PRKCB: variants seen among roughly 807,000 people sequenced by gnomAD.
PRKCB encodes the protein protein kinase C beta type.
Under a neutral mutation model 81.5 loss-of-function variants are expected in PRKCB, and 13 were observed. The ratio of observed to expected loss-of-function variants is 0.16; its 90% CI spans 0.10 to 0.25. The LOEUF (loss-of-function observed/expected upper bound fraction) is 0.25. Among genes scored for constraint, PRKCB ranks in the 10% least tolerant of loss-of-function variants. The pLI is 1.00. For missense variants in PRKCB, 509 were observed against 875.7 expected, an observed-to-expected ratio of 0.58 and a Z score of 5.29; for synonymous variants, 335 against 321.4, an observed-to-expected ratio of 1.04 and a Z score of -0.45.
chr16:24,117,702 G>A (rs1966750942), intron 8 of PRKCB, among the ~76,000 whole-genome samples: 1 of 152,128 alleles, frequency 6.6e-6, no homozygotes, highest in Admixed American at 6.5e-5. Flanking sequence ...AGGTGATCCT[G>A]GAAGCACCAT....
Position 24,039,139 on chromosome 16 carries a change from G to A in PRKCB, c.529+3592G>A, listed in dbSNP as rs182494262. On this transcript the variant is annotated intron_variant, in intron 5 of 16. Coordinates refer to ENST00000643927, the MANE Select transcript of PRKCB (RefSeq NM_002738.7). ...TGGCCGTCTGCAAGCCAGGAAGTGA[G>A]TCCTTACCAGGAATTGAAGCTGCTG... is the stretch of plus-strand genomic sequence containing the variant. Among the ~76,000 whole-genome samples the A allele has an allele frequency of 4.7e-4, 71 of 152,316 alleles. 2 individuals carry two copies. In the East Asian group the frequency reaches 0.012, roughly 26 times the overall value.
At chr16:23,863,855 A>G (rs561989384) in intron 2 of PRKCB, among the ~76,000 whole-genome samples, 1 of 152,328 alleles carries the variant, frequency 6.6e-6, no homozygotes, top group East Asian at 1.9e-4. Flanking sequence ...TTACCAAAGT[A>G]AAAGTCAGTA....
At chr16:24,091,231 T>C (rs1966373485) in intron 5 of PRKCB, among the ~76,000 whole-genome samples, 1 of 152,376 alleles carries the variant, frequency 6.6e-6, no homozygotes, top group Non-Finnish European at 1.5e-5. Context: ...TCTAGATAAC[T>C]ACAATGATCT....
intron 16 of PRKCB, among the ~76,000 whole-genome samples, chr16:24,200,518 A>C (rs1967941714): frequency 6.6e-6 from 1 of 152,218 alleles, no homozygotes; most frequent in East Asian, 1.9e-4. Context: ...CTATGACTGA[A>C]TACCACAGAC....
At chr16:23,847,816 T>G (rs949699123) in intron 2 of PRKCB, among the ~76,000 whole-genome samples, 3 of 152,216 alleles carry the variant, frequency 2.0e-5, no homozygotes, top group Admixed American at 6.5e-5. Flanking sequence ...GTCCTCACCC[T>G]TAAAGATCTT....
chr16:24,068,364 T>A (rs534164979), intron 5 of PRKCB, among the ~76,000 whole-genome samples: 16 of 152,182 alleles, frequency 1.1e-4, no homozygotes, highest in African/African-American at 3.9e-4. Context: ...CTTTGATTCC[T>A]AGCCCCAAGA....
At chr16:23,958,047 A>T (rs1191794712) in intron 2 of PRKCB, among the ~76,000 whole-genome samples, 4 of 152,234 alleles carry the variant, frequency 2.6e-5, no homozygotes, top group Non-Finnish European at 4.4e-5. Flanking sequence ...GCTGGAGTGC[A>T]GTGGCACAAT....
intron 5 of PRKCB, among the ~76,000 whole-genome samples, chr16:24,064,577 T>C (rs1966010052): frequency 6.6e-6 from 1 of 152,210 alleles, no homozygotes; most frequent in Admixed American, 6.5e-5. Context: ...ATATTGTGTG[T>C]GTGTAAATTA....
chr16:23,896,078 ATT>A (rs56293467), intron 2 of PRKCB, among the ~76,000 whole-genome samples: 2 of 146,900 alleles, frequency 1.4e-5, no homozygotes, highest in African/African-American at 5.0e-5. Flanking sequence ...ATCCATTCAC[ATT>A]TTTTTTTTTT....
chr16:24,171,654 A>G (rs929075280), intron 10 of PRKCB, among the ~76,000 whole-genome samples: 2 of 152,178 alleles, frequency 1.3e-5, no homozygotes, highest in Non-Finnish European at 2.9e-5. Context: ...CCTTATCCTA[A>G]ACAATAATAT....
At chr16:23,944,954 G>C (rs1241709655) in intron 2 of PRKCB, among the ~76,000 whole-genome samples, 1 of 152,158 alleles carries the variant, frequency 6.6e-6, no homozygotes, top group African/African-American at 2.4e-5. Context: ...GAGAGAGGAG[G>C]GGACTGAGGG....
Position 24,039,525 on chromosome 16 carries a change from G to A in PRKCB, c.529+3978G>A, listed in dbSNP as rs547185327. Among the ~76,000 whole-genome samples, 122 of 152,208 alleles carry A rather than the reference G, an allele frequency of 8.0e-4. 2 individuals are homozygous for A. The South Asian group carries it at 0.017, about 22-fold the overall frequency. ...GATTACAGGCGTGAGCCACTGTGCC[G>A]GCCTAAATGTCTGTTGTTTAAGCCA... On this transcript the variant is annotated intron_variant, in intron 5 of 16. Coordinates refer to ENST00000643927, the MANE Select transcript of PRKCB (RefSeq NM_002738.7).
intron 2 of PRKCB, among the ~76,000 whole-genome samples, chr16:23,950,929 A>G (rs938845604): frequency 6.6e-6 from 1 of 152,202 alleles, no homozygotes; most frequent in African/African-American, 2.4e-5. Context: ...AGTGACCAGC[A>G]TCAATGGGGT....
intron 2 of PRKCB, among the ~76,000 whole-genome samples, chr16:23,901,988 A>T (rs768795605): frequency 1.3e-5 from 2 of 152,124 alleles, no homozygotes; most frequent in Non-Finnish European, 2.9e-5. Flanking sequence ...GGCACTGAAA[A>T]AATATTCACT....
chr16:24,032,510 A>C lies in PRKCB; in HGVS notation c.400+263A>C, dbSNP rs963484781. 3.9e-5 allele frequency among the ~76,000 whole-genome samples: 6 copies of C among 152,326 alleles called. No homozygotes were observed. The South Asian group carries it at 8.3e-4, about 21-fold the overall frequency. ...CTCAGCTGATGTCACGCATGTTCAT[A>C]AAGCATGAACTCATGGTTCATGGTG... On this transcript the variant is annotated intron_variant, in intron 4 of 16. Coordinates refer to ENST00000643927, the MANE Select transcript of PRKCB (RefSeq NM_002738.7).
chr16:24,064,152 G>C (rs1462113643), intron 5 of PRKCB, among the ~76,000 whole-genome samples: 1 of 151,774 alleles, frequency 6.6e-6, no homozygotes, highest in African/African-American at 2.4e-5. Flanking sequence ...GATAGAATGG[G>C]AAAGCAAGTA....
rs141285061 is a variant in PRKCB at position 23,927,038 on chromosome 16, A to G, written c.206-61470A>G. On this transcript the variant is annotated intron_variant, in intron 2 of 16. Coordinates refer to ENST00000643927, the MANE Select transcript of PRKCB (RefSeq NM_002738.7). ...GAACACAACAGGCGTAGCCTCTGCT[A>G]TTACCAAAATTATTGTCTGGTAAAG... Among the ~76,000 whole-genome samples, 471 of 152,280 alleles carry G rather than the reference A, an allele frequency of 3.1e-3. 3 individuals are homozygous for G. The highest frequency in any genetic ancestry group is 0.024 in the Middle Eastern group (7 of 294).
chr16:24,053,351 C>T (rs1321811390), intron 5 of PRKCB, among the ~76,000 whole-genome samples: 5 of 152,224 alleles, frequency 3.3e-5, no homozygotes, highest in African/African-American at 1.2e-4. Context: ...TATCTGGTCA[C>T]TGTCACAACT....
At chr16:23,837,082 A>G in intron 1 of PRKCB, 2 of 491,016 alleles carry the variant, frequency 4.1e-6, no homozygotes, top group South Asian at 2.2e-5. Context: ...CGGGGCATCT[A>G]TGGGTACATC....
Sources: allele counts gnomAD v4.1 joint callset (sites outside exome capture counted in the v4.1 genomes callset), GRCh38; gene constraint gnomAD v4.1.1; transcripts MANE v1.5; gene names NCBI Gene and HGNC (gene_info 2026-07-23, HGNC 2026-07-21).